EYS: variants seen among roughly 807,000 people sequenced by gnomAD.
EYS encodes EGF-like photoreceptor maintenance factor, also known as protein eyes shut homolog.
Under a neutral mutation model 282.1 loss-of-function variants are expected in EYS, and 250 were observed. The observed-to-expected ratio is 0.89, with a 90% CI of 0.80 to 0.98. The LOEUF (loss-of-function observed/expected upper bound fraction) is 0.98. EYS is among the 50% of genes least tolerant of loss of function. EYS has a pLI of 0.00. For synonymous variants in EYS, 1,355 were observed against 1,282.9 expected, an observed-to-expected ratio of 1.06 and a Z score of -1.20; for missense variants, 4,016 against 3,709.0, an observed-to-expected ratio of 1.08 and a Z score of -2.15.
chr6:64,206,963 C>G (rs534470978), intron 31 of EYS, among the ~76,000 whole-genome samples: 1 of 152,222 alleles, frequency 6.6e-6, no homozygotes, highest in Admixed American at 6.5e-5. Flanking sequence ...TCCTGATCCT[C>G]TCCTTCCTCC....
chr6:63,945,536 C>T (rs536228671), intron 35 of EYS, among the ~76,000 whole-genome samples: 2 of 152,232 alleles, frequency 1.3e-5, no homozygotes, highest in South Asian at 4.1e-4. Flanking sequence ...TTCATCTGAC[C>T]TTAAACGATC....
At chr6:63,768,203 A>C (rs1242552515) in intron 40 of EYS, among the ~76,000 whole-genome samples, 2 of 152,112 alleles carry the variant, frequency 1.3e-5, no homozygotes, top group African/African-American at 4.8e-5. Context: ...AGCAATTTCC[A>C]TAAAAACAAA....
intron 35 of EYS, among the ~76,000 whole-genome samples, chr6:63,905,243 G>C (rs1400334998): frequency 9.6e-6 from 1 of 104,590 alleles, no homozygotes; most frequent in Middle Eastern, 4.1e-3. Flanking sequence ...TCAGTACTTT[G>C]TTCCCTTTTA....
chr6:64,882,766 T>C (rs537853713), intron 19 of EYS, among the ~76,000 whole-genome samples: 104 of 151,794 alleles, frequency 6.9e-4, no homozygotes, highest in African/African-American at 2.5e-3. Context: ...TTTTAATATA[T>C]CTTGTTAAAC....
intron 30 of EYS, among the ~76,000 whole-genome samples, chr6:64,295,705 G>C (rs575938188): frequency 7.7e-6 from 1 of 130,146 alleles, no homozygotes; most frequent in South Asian, 3.0e-4. Flanking sequence ...CTCCAGCCTG[G>C]CTGACTGAGC....
intron 1 of EYS, among the ~76,000 whole-genome samples, chr6:65,688,540 G>C (rs556128168): frequency 6.6e-6 from 1 of 151,734 alleles, no homozygotes; most frequent in Non-Finnish European, 1.5e-5. Flanking sequence ...CACCAAAAGC[G>C]ATGGCAACAA....
chr6:64,709,728 G>C (rs1448185012), intron 22 of EYS, among the ~76,000 whole-genome samples: 2 of 152,196 alleles, frequency 1.3e-5, no homozygotes, highest in Non-Finnish European at 2.9e-5. Flanking sequence ...TCCTAGAGGA[G>C]TAGTATGTGG....
intron 29 of EYS, among the ~76,000 whole-genome samples, chr6:64,338,198 T>C (rs532563312): frequency 7.6e-4 from 116 of 152,096 alleles, no homozygotes; most frequent in African/African-American, 2.8e-3. Flanking sequence ...CTGTCACTGT[T>C]TGCTGACAAT....
At chr6:65,338,953 G>A (rs1034604281) in intron 10 of EYS, among the ~76,000 whole-genome samples, 2 of 151,050 alleles carry the variant, frequency 1.3e-5, no homozygotes, top group Non-Finnish European at 3.0e-5. Flanking sequence ...TCATTTCAGG[G>A]AATATCGTGT....
rs537790937 is a variant in EYS, at chr6:65,462,184, A to T, written c.862+28410T>A. On this transcript the variant is annotated intron_variant, in intron 5 of 42. Coordinates refer to ENST00000503581, the MANE Select transcript of EYS (RefSeq NM_001142800.2). ...AACAACACTTGGATGAATCTCAAAG[A>T]TATGCTGAGTGAAAGAAGTCAACTT... Among the ~76,000 whole-genome samples, 110 of 152,260 alleles carry T rather than the reference A, an allele frequency of 7.2e-4. 1 individual carries two copies. The highest frequency in any genetic ancestry group is 1.3e-3 in the Non-Finnish European group (91 of 67,996).
chr6:63,818,115 T>C (rs1487922239), intron 36 of EYS, among the ~76,000 whole-genome samples: 1 of 152,206 alleles, frequency 6.6e-6, no homozygotes, highest in Non-Finnish European at 1.5e-5. Flanking sequence ...ATACAATTAA[T>C]AAATTATAAC....
At chr6:64,050,662 C>T (rs1200513187) in intron 33 of EYS, among the ~76,000 whole-genome samples, 2 of 152,154 alleles carry the variant, frequency 1.3e-5, no homozygotes, top group Non-Finnish European at 2.9e-5. Flanking sequence ...CACTCCATCT[C>T]TGCAAACTTC....
intron 10 of EYS, among the ~76,000 whole-genome samples, chr6:65,342,500 C>T (rs1444211268): frequency 2.0e-5 from 3 of 150,472 alleles, no homozygotes; most frequent in Non-Finnish European, 4.5e-5. Flanking sequence ...GATATTTAAT[C>T]AAATTAGTCA....
At chr6:64,478,023 A>AT (rs751793344) in intron 26 of EYS, among the ~76,000 whole-genome samples, 6 of 152,036 alleles carry the variant, frequency 3.9e-5, no homozygotes, top group Non-Finnish European at 7.4e-5. Flanking sequence ...ATGTACCATT[A>AT]TTATGAACTT....
chr6:64,579,664 T>G (rs2149823280), intron 26 of EYS, among the ~76,000 whole-genome samples: 1 of 152,192 alleles, frequency 6.6e-6, no homozygotes, highest in African/African-American at 2.4e-5. Flanking sequence ...GGTTATTGGC[T>G]TAGGTCCTCT....
chr6:64,855,723 C>G (rs1442613387), intron 19 of EYS, among the ~76,000 whole-genome samples: 1 of 152,090 alleles, frequency 6.6e-6, no homozygotes, highest in African/African-American at 2.4e-5. Context: ...ATCCACCATT[C>G]TAGTATCATA....
intron 33 of EYS, among the ~76,000 whole-genome samples, chr6:64,037,358 A>G (rs886251221): frequency 6.6e-6 from 1 of 152,236 alleles, no homozygotes; most frequent in African/African-American, 2.4e-5. Context: ...AGTGGAAACT[A>G]AATTAAATAC....
chr6:65,443,726 ATACGTGCATATACACATATATACAC>A (rs1768534950), intron 5 of EYS, among the ~76,000 whole-genome samples: 1 of 54,736 alleles, frequency 1.8e-5, no homozygotes, highest in South Asian at 7.0e-4. Context: ...ATATATACAC[ATACGTGCATATACACATATATACAC>A]ATACGTGCAT....
intron 5 of EYS, among the ~76,000 whole-genome samples, chr6:65,447,395 T>TATAAATATATGTATATAATTATATAC (rs1562189796): frequency 2.2e-4 from 32 of 146,316 alleles, no homozygotes; most frequent in Middle Eastern, 3.7e-3. Context: ...TAATTATATA[T>TATAAATATATGTATATAATTATATAC]ATAATTAGAA....
Sources: gnomAD v4.1 joint callset for allele counts (sites outside exome capture counted in the v4.1 genomes callset) on GRCh38, gnomAD v4.1.1 for gene constraint, MANE v1.5 for transcripts, NCBI Gene and HGNC (gene_info 2026-07-23, HGNC 2026-07-21) for gene names.